The following SUPT3H variants were observed in gnomAD, a reference collection of about 807,000 sequenced individuals.
The protein encoded by SUPT3H is SPT3 homolog, SAGA and STAGA complex component.
SUPT3H carries 44 observed loss-of-function variants against 44.3 expected under a neutral mutation model. The ratio of observed to expected loss-of-function variants is 0.99; its 90% CI spans 0.78 to 1.28. SUPT3H has a LOEUF of 1.28. SUPT3H is among the 50% of genes most tolerant of loss of function. SUPT3H has a pLI of 0.00. For synonymous variants in SUPT3H, 124 were observed against 125.6 expected (o/e 0.99, Z 0.09); for missense variants, 380 against 387.1 (o/e 0.98, Z 0.15).
At chr6:45,212,483 G>C (rs866281713) in intron 2 of SUPT3H, among the ~76,000 whole-genome samples, 1 of 4,400 alleles carries the variant, frequency 2.3e-4, no homozygotes, top group Non-Finnish European at 4.2e-4. Context: ...CCTCCACTAT[G>C]TGTGTGTGTG....
chr6:44,968,768 A>G (rs1183987791), intron 6 of SUPT3H, among the ~76,000 whole-genome samples: 1 of 152,094 alleles, frequency 6.6e-6, no homozygotes, highest in Non-Finnish European at 1.5e-5. Context: ...CTGTGTCCCC[A>G]CATCACTTTC....
chr6:45,244,391 C>G (rs1294339580), intron 2 of SUPT3H, among the ~76,000 whole-genome samples: 1 of 152,098 alleles, frequency 6.6e-6, no homozygotes, highest in African/African-American at 2.4e-5. Flanking sequence ...ATAATAATTT[C>G]ATTATTCATC....
At chr6:45,230,676 A>ATTTT (rs1767836098) in intron 2 of SUPT3H, among the ~76,000 whole-genome samples, 1 of 107,660 alleles carries the variant, frequency 9.3e-6, no homozygotes, top group Non-Finnish European at 1.9e-5. Flanking sequence ...ATATATATAT[A>ATTTT]TATATATATA....
intron 1 of SUPT3H, among the ~76,000 whole-genome samples, chr6:45,370,157 G>A (rs996020817): frequency 6.6e-6 from 1 of 152,238 alleles, no homozygotes; most frequent in Non-Finnish European, 1.5e-5. Context: ...AGACCAGTTA[G>A]GAAGTTATTG....
rs910320422 is a variant in SUPT3H, at chr6:44,932,687, T to C, written c.878A>G (p.Tyr293Cys). Residue 293 changes from tyrosine (Y) to cysteine (C), a missense_variant, in exon 10 of 11, where the codon TAC (tyrosine) becomes TGC (cysteine). Physicochemically the swap from Tyr to Cys is radical, Grantham distance 194. Transcript: ENST00000371459. ...PCHIREAIRR[Y>C]SHRIGPLSPF... ...GGAAAGTGGGCCAATCCTGTGGCTGTAGCGTCGAATGGCCTCTCTGATGTG... is the reference window on the plus strand; with the variant it reads ...GGAAAGTGGGCCAATCCTGTGGCTGCAGCGTCGAATGGCCTCTCTGATGTG... 1.2e-6 allele frequency: 2 copies of C among 1,611,884 alleles called. No individual in the cohort carries two copies. Among genetic ancestry groups the C allele is most frequent in the Non-Finnish European group, 1.7e-6 (2 of 1,179,070 alleles).
chr6:44,919,888 T>C (rs1256144639), intron 10 of SUPT3H, among the ~76,000 whole-genome samples: 1 of 152,074 alleles, frequency 6.6e-6, no homozygotes, highest in Non-Finnish European at 1.5e-5. Context: ...TTTTTCTTTT[T>C]TATTTTTTGA....
Position 44,961,764 on chromosome 6 carries a change from T to A in SUPT3H, c.569A>T (p.Gln190Leu). ...AAATAGTTACTTACAGAAACTTAAT[T>A]GTCGACTTTCACAGAATTCTGCATA... ...AQYAEFCESRQLSFSKKASKF... is the reference protein window; with the variant it reads ...AQYAEFCESRLLSFSKKASKF... The change falls in exon 7 of 11, where the codon CAA becomes CTA. Residue 190 changes from glutamine to leucine, a missense_variant. Physicochemically the swap from Gln to Leu is moderately radical, Grantham distance 113. Coordinates refer to ENST00000371459, the MANE Select transcript of SUPT3H (RefSeq NM_003599.4). 1 of 1,607,704 alleles carries A rather than the reference T, an allele frequency of 6.2e-7. No homozygotes were observed. Among genetic ancestry groups the A allele is most frequent in the Non-Finnish European group, 8.5e-7 (1 of 1,178,248 alleles).
intron 2 of SUPT3H, among the ~76,000 whole-genome samples, chr6:45,324,585 G>A (rs1786053432): frequency 6.6e-6 from 1 of 151,686 alleles, no homozygotes; most frequent in South Asian, 2.1e-4. Context: ...GAGGAGGAAT[G>A]GGGGAGACAG....
intron 9 of SUPT3H, among the ~76,000 whole-genome samples, chr6:44,945,104 C>A (rs1773128316): frequency 6.6e-6 from 1 of 151,766 alleles, no homozygotes; most frequent in South Asian, 2.1e-4. Flanking sequence ...ATTATTTTAT[C>A]TGTTATGGTG....
At position 44,889,157 on chromosome 6, in the gene SUPT3H, G is replaced by T. The variant is rs181488527; in HGVS notation, c.912+43496C>A. 1.6e-3 allele frequency among the ~76,000 whole-genome samples: 247 copies of T among 152,104 alleles called. 2 individuals are homozygous for T. Among genetic ancestry groups the T allele is most frequent in the African/African-American group, 5.6e-3 (233 of 41,470 alleles). On this transcript the variant is annotated intron_variant, in intron 10 of 10. Transcript: ENST00000371459. Reference sequence around the variant, plus strand: ...GAATAACATTCCATGCTCATGGGTAGGAAGAATCAATATTGTGAAAATGGC... The same window carrying T: ...GAATAACATTCCATGCTCATGGGTATGAAGAATCAATATTGTGAAAATGGC...
chr6:45,216,868 T>C (rs1308895757), intron 2 of SUPT3H, among the ~76,000 whole-genome samples: 4 of 152,044 alleles, frequency 2.6e-5, no homozygotes, highest in African/African-American at 7.2e-5. Context: ...GGATATTATG[T>C]TAAGGGAAAT....
intron 2 of SUPT3H, among the ~76,000 whole-genome samples, chr6:45,137,551 GAAT>G (rs1804506506): frequency 6.6e-6 from 1 of 151,634 alleles, no homozygotes; most frequent in African/African-American, 2.4e-5. Context: ...ATATATATTA[GAAT>G]AATATTTCAA....
At chr6:45,354,518 C>T (rs145041498) in intron 2 of SUPT3H, among the ~76,000 whole-genome samples, 9 of 151,414 alleles carry the variant, frequency 5.9e-5, no homozygotes, top group African/African-American at 7.3e-5. Context: ...CTTCTACTGC[C>T]GCTGCTAACT....
chr6:45,015,647 G>GT (rs1263856451), intron 4 of SUPT3H, among the ~76,000 whole-genome samples: 1 of 152,024 alleles, frequency 6.6e-6, no homozygotes, highest in Non-Finnish European at 1.5e-5. Flanking sequence ...CACTCTTACA[G>GT]TAATACTTAG....
At chr6:45,002,126 ATATTT>A (rs919600318) in intron 6 of SUPT3H, among the ~76,000 whole-genome samples, 11 of 152,074 alleles carry the variant, frequency 7.2e-5, no homozygotes, top group African/African-American at 2.4e-4. Context: ...TCAACTTCTG[ATATTT>A]TATTATCCTG....
chr6:44,918,039 A>G (rs1768085697), intron 10 of SUPT3H, among the ~76,000 whole-genome samples: 1 of 152,208 alleles, frequency 6.6e-6, no homozygotes, highest in African/African-American at 2.4e-5. Flanking sequence ...ACATTAAGTT[A>G]AATGACCAAT....
chr6:45,373,059 G>A (rs1234577240), intron 1 of SUPT3H, among the ~76,000 whole-genome samples: 3 of 151,860 alleles, frequency 2.0e-5, no homozygotes, highest in Admixed American at 6.6e-5. Context: ...CACCTGCCTC[G>A]GCCTCCCAAA....
intron 2 of SUPT3H, among the ~76,000 whole-genome samples, chr6:45,333,062 C>A (rs1258601749): frequency 6.6e-6 from 1 of 151,552 alleles, no homozygotes; most frequent in Admixed American, 6.6e-5. Flanking sequence ...ATATTCTAAG[C>A]TAACTGTCTA....
intron 2 of SUPT3H, among the ~76,000 whole-genome samples, chr6:45,298,332 T>C (rs964790861): frequency 2.0e-5 from 3 of 152,176 alleles, no homozygotes; most frequent in Admixed American, 6.5e-5. Flanking sequence ...ACTAAAATTA[T>C]TTTTGTCACT....
Sources: gnomAD v4.1 joint callset for allele counts (sites outside exome capture counted in the v4.1 genomes callset) on GRCh38, gnomAD v4.1.1 for gene constraint, MANE v1.5 for transcripts, NCBI Gene and HGNC (gene_info 2026-07-23, HGNC 2026-07-21) for gene names.